Variants in USP34 observed in about 807,000 individuals in gnomAD.
The protein encoded by USP34 is ubiquitin carboxyl-terminal hydrolase 34.
Under a neutral mutation model 460.3 loss-of-function variants are expected in USP34, and 70 were observed. The observed-to-expected ratio is 0.15, with a 90% CI of 0.13 to 0.19. USP34 has a LOEUF of 0.19. Ranked by LOEUF, USP34 falls within the 10% of genes least tolerant of loss-of-function variation. The pLI is 1.00. For missense variants in USP34, 3,985 were observed against 4,236.2 expected, an observed-to-expected ratio of 0.94 and a Z score of 1.65; for synonymous variants, 1,647 against 1,405.3, an observed-to-expected ratio of 1.17 and a Z score of -3.85.
intron 3 of USP34, among the ~76,000 whole-genome samples, chr2:61,400,309 C>A (rs1270069969): frequency 6.6e-6 from 1 of 152,060 alleles, no homozygotes; most frequent in Non-Finnish European, 1.5e-5. Flanking sequence ...CAGGGTTTCA[C>A]TGTGTTAGCC....
chr2:61,209,708 T>C (rs1331614220), intron 69 of USP34, among the ~76,000 whole-genome samples: 1 of 152,218 alleles, frequency 6.6e-6, no homozygotes, highest in African/African-American at 2.4e-5. Context: ...TTTTACTACT[T>C]ATTTCAAAAA....
intron 69 of USP34, among the ~76,000 whole-genome samples, chr2:61,210,380 T>A (rs532412343): frequency 6.6e-6 from 1 of 152,230 alleles, no homozygotes; most frequent in African/African-American, 2.4e-5. Flanking sequence ...TCTGTTATAA[T>A]TGCCTACAGT....
Position 61,348,008 on chromosome 2 carries a change from T to A in USP34, c.2147A>T (p.Gln716Leu), listed in dbSNP as rs776893109. The A allele has an allele frequency of 3.7e-6, 6 of 1,614,186 alleles. No homozygotes were observed. The highest frequency in any genetic ancestry group is 5.1e-6 in the Non-Finnish European group (6 of 1,180,026). The change falls in exon 15 of 80, where the codon CAA (glutamine) becomes CTA (leucine). Residue 716 changes from glutamine to leucine, a missense_variant. Physicochemically the swap from Gln to Leu is moderately radical, Grantham distance 113. Around this residue, in one of 14 missense-constraint regions of USP34, gnomAD observed 716 missense variants for 626.2 expected, o/e 1.14. Coordinates refer to ENST00000398571, the MANE Select transcript of USP34 (RefSeq NM_014709.4). ...TGTGATACAAGACTCCTGAGACCCT[T>A]GTGCTATATGAGTAGCATTCATTTC... ...SGEMNATHIA[Q>L]GSQESCITRT...
At chr2:61,304,054 G>A (rs898768442) in intron 27 of USP34, among the ~76,000 whole-genome samples, 2 of 151,930 alleles carry the variant, frequency 1.3e-5, no homozygotes, top group African/African-American at 2.4e-5. Context: ...CACACCACCA[G>A]GCCCAGCTAA....
chr2:61,418,829 T>C (rs1391822199), intron 2 of USP34, among the ~76,000 whole-genome samples: 3 of 152,214 alleles, frequency 2.0e-5, no homozygotes, highest in African/African-American at 7.2e-5. Context: ...ATTCCACTTT[T>C]ATTACTACGA....
intron 7 of USP34, 83 bp downstream of exon 7, chr2:61,380,086 A>C: frequency 8.3e-7 from 1 of 1,202,854 alleles, no homozygotes; most frequent in East Asian, 2.4e-5. Flanking sequence ...CCTAGTATGA[A>C]GTGCTCCATA....
At chr2:61,402,195 G>T (rs929303361) in intron 3 of USP34, among the ~76,000 whole-genome samples, 1 of 152,058 alleles carries the variant, frequency 6.6e-6, no homozygotes, top group Admixed American at 6.6e-5. Context: ...TGGGTGGATC[G>T]TTTGAGCCCA....
intron 16 of USP34, among the ~76,000 whole-genome samples, chr2:61,342,181 G>A (rs1558538933): frequency 6.6e-6 from 1 of 151,490 alleles, no homozygotes. Flanking sequence ...ATCCTTGATA[G>A]TATCAGTCCT....
intron 53 of USP34, among the ~76,000 whole-genome samples, chr2:61,237,124 C>G (rs1192318466): frequency 6.6e-6 from 1 of 152,174 alleles, no homozygotes; most frequent in Non-Finnish European, 1.5e-5. Flanking sequence ...GGTTCCTGCT[C>G]TACAGTGATA....
intron 44 of USP34, among the ~76,000 whole-genome samples, chr2:61,258,581 C>T (rs992577000): frequency 1.3e-5 from 2 of 151,810 alleles, no homozygotes; most frequent in African/African-American, 2.4e-5. Context: ...AACCCACAAG[C>T]AATGAAGCAG....
intron 1 of USP34, among the ~76,000 whole-genome samples, chr2:61,423,887 T>A (rs1430178474): frequency 6.6e-6 from 1 of 152,106 alleles, no homozygotes; most frequent in Non-Finnish European, 1.5e-5. Flanking sequence ...AGTCCAGAAG[T>A]TCAACGCTAT....
At chr2:61,261,020 T>C (rs1688862326) in intron 43 of USP34, among the ~76,000 whole-genome samples, 1 of 152,088 alleles carries the variant, frequency 6.6e-6, no homozygotes, top group Non-Finnish European at 1.5e-5. Context: ...AAACAGAAAA[T>C]GTCAAGTGTT....
chr2:61,413,965 A>G (rs1694123369), intron 2 of USP34, among the ~76,000 whole-genome samples: 1 of 147,816 alleles, frequency 6.8e-6, no homozygotes, highest in Non-Finnish European at 1.5e-5. Context: ...TTAAAAATAA[A>G]AAAACAAAAG....
intron 10 of USP34, among the ~76,000 whole-genome samples, chr2:61,354,295 C>T (rs577531968): frequency 4.6e-5 from 7 of 152,284 alleles, no homozygotes; most frequent in Middle Eastern, 3.4e-3. Flanking sequence ...ATAAGATTAT[C>T]AGCGAATTTC....
intron 39 of USP34, among the ~76,000 whole-genome samples, chr2:61,279,003 C>T (rs1283707978): frequency 6.6e-6 from 1 of 151,976 alleles, no homozygotes; most frequent in Non-Finnish European, 1.5e-5. Context: ...TAACTTGAGT[C>T]CCCTCAAAGA....
intron 41 of USP34, among the ~76,000 whole-genome samples, chr2:61,267,154 C>G (rs1689073791): frequency 6.6e-6 from 1 of 152,152 alleles, no homozygotes; most frequent in Non-Finnish European, 1.5e-5. Flanking sequence ...TGGCTTCCTC[C>G]AGACTTCGCC....
chr2:61,441,810 A>G (rs1018473613), intron 1 of USP34, among the ~76,000 whole-genome samples: 12 of 151,204 alleles, frequency 7.9e-5, no homozygotes, highest in Non-Finnish European at 1.5e-4. Flanking sequence ...TACAAAAAAA[A>G]AAAAAGAAAA....
intron 70 of USP34, 78 bp downstream of exon 70, chr2:61,208,821 T>A: frequency 9.2e-7 from 1 of 1,092,202 alleles, no homozygotes; most frequent in South Asian, 2.2e-5. Flanking sequence ...CCATAAACTC[T>A]AAATGTCTAT....
intron 34 of USP34, among the ~76,000 whole-genome samples, chr2:61,285,341 A>T (rs1689655133): frequency 6.6e-6 from 1 of 151,984 alleles, no homozygotes; most frequent in South Asian, 2.1e-4. Flanking sequence ...TACAAAAATT[A>T]GCTGGGTGTG....
Sources: gnomAD v4.1 joint callset for allele counts (sites outside exome capture counted in the v4.1 genomes callset) on GRCh38, gnomAD v4.1.1 for gene constraint, gnomAD v4.1.1 regional missense constraint, MANE v1.5 for transcripts, NCBI Gene and HGNC (gene_info 2026-07-23, HGNC 2026-07-21) for gene names.